Variants in IFIT3 observed in about 807,000 individuals in gnomAD.
The protein encoded by IFIT3 is interferon induced protein with tetratricopeptide repeats 3.
Under a neutral mutation model 2.4 loss-of-function variants are expected in IFIT3, and 2 were observed. The observed-to-expected ratio is 0.82, with a 90% CI of 0.34 to 2.60. The LOEUF (loss-of-function observed/expected upper bound fraction) is 2.60. IFIT3 is among the 30% of genes most tolerant of loss of function. The pLI is 0.11. For synonymous variants in IFIT3, 203 were observed against 212.1 expected (o/e 0.96, Z 0.37); for missense variants, 481 against 562.4 (o/e 0.86, Z 1.46).
intron 1 of IFIT3, among the ~76,000 whole-genome samples, chr10:89,336,748 T>C (rs1285349714): frequency 1.3e-5 from 2 of 150,390 alleles, no homozygotes; most frequent in Admixed American, 1.3e-4. Flanking sequence ...ATTTGGTTCA[T>C]AACTTTTTTT....
At chr10:89,334,215 G>A (rs977458722) in intron 1 of IFIT3, among the ~76,000 whole-genome samples, 1 of 152,172 alleles carries the variant, frequency 6.6e-6, no homozygotes, top group Non-Finnish European at 1.5e-5. Context: ...CAAGACAGGT[G>A]GTCATGATCT....
Position 89,340,315 on chromosome 10 carries a change from T to G in IFIT3, c.*187T>G. ...GGCTCATGCCTGTAATCCCAGCACT[T>G]TGGGAGGCCGAGGTGGGCGGATCAC... is the stretch of plus-strand genomic sequence containing the variant. On this transcript the variant is annotated 3_prime_UTR_variant, in exon 2 of 2. Coordinates refer to ENST00000371818, the MANE Select transcript of IFIT3 (RefSeq NM_001549.6). 1 of 516,394 alleles carries G rather than the reference T, an allele frequency of 1.9e-6. No homozygotes were observed. The allele number at this position is 516,394 out of a possible 1,614,324, so 32.0% of individuals were successfully genotyped here. A position where few individuals can be genotyped will look rare whatever the true frequency, so the allele number is the denominator to read the frequency against.
Position 89,328,004 on chromosome 10 carries a change from G to C in IFIT3, c.-70G>C. 6.3e-7 allele frequency: 1 copy of C among 1,576,054 alleles called. No individual in the cohort carries two copies. The highest frequency in any genetic ancestry group is 1.7e-4 in the Middle Eastern group (1 of 5,980). On this transcript the variant is annotated 5_prime_UTR_variant, in exon 1 of 2. Coordinates refer to ENST00000371818, the MANE Select transcript of IFIT3 (RefSeq NM_001549.6). ...CTTCAGTATTTACTTGAGGCAGACA[G>C]GAAGACTTCTGAAGAACAAATCAGC... is the stretch of plus-strand genomic sequence containing the variant.
Position 89,340,948 on chromosome 10 carries a change from C to G in IFIT3, c.*820C>G, listed in dbSNP as rs1161625995. 6.6e-6 allele frequency: 1 copy of G among 152,150 alleles called. No individual in the cohort carries two copies. The highest frequency in any genetic ancestry group is 2.4e-5 in the African/African-American group (1 of 41,414). The allele number at this position is 152,150 out of a possible 1,614,324, so 9.4% of individuals were successfully genotyped here. A position where few individuals can be genotyped will look rare whatever the true frequency, so the allele number is the denominator to read the frequency against. ...TCCTGATAGTAATGCTACAATAAAT[C>G]CAAACATTTCAACTCTGTTAGAATA... On this transcript the variant is annotated 3_prime_UTR_variant, in exon 2 of 2. Coordinates refer to ENST00000371818, the MANE Select transcript of IFIT3 (RefSeq NM_001549.6).
chr10:89,328,638 T>C (rs1843621923), intron 1 of IFIT3, among the ~76,000 whole-genome samples: 1 of 152,206 alleles, frequency 6.6e-6, no homozygotes, highest in South Asian at 2.1e-4. Context: ...AGGTGGGAAG[T>C]GGAAGAAACA....
intron 1 of IFIT3, among the ~76,000 whole-genome samples, chr10:89,335,813 T>G (rs544148081): frequency 6.6e-6 from 1 of 152,348 alleles, no homozygotes; most frequent in Admixed American, 6.5e-5. Flanking sequence ...TTAACTCATG[T>G]TTCCATGACT....
At chr10:89,335,863 G>T (rs1186190790) in intron 1 of IFIT3, among the ~76,000 whole-genome samples, 25 of 152,130 alleles carry the variant, frequency 1.6e-4, no homozygotes, top group Admixed American at 1.6e-3. Flanking sequence ...AAGCAGAGTT[G>T]TTCAATTATC....
intron 1 of IFIT3, among the ~76,000 whole-genome samples, chr10:89,329,188 A>G (rs1031787749): frequency 1.3e-5 from 2 of 152,052 alleles, no homozygotes; most frequent in Non-Finnish European, 2.9e-5. Context: ...GAAAAGGAAA[A>G]CTGGATTCCC....
chr10:89,338,827 G>A lies in IFIT3; in HGVS notation c.172G>A (p.Ala58Thr). ...EFKATMYNLL[A>T]YIKHLDGNNE... is the part of the protein sequence containing the mutation. Reference sequence around the variant, plus strand: ...CAAAGCTACAATGTACAACTTGTTGGCCTACATAAAACACCTAGATGGTAA... The same window carrying A: ...CAAAGCTACAATGTACAACTTGTTGACCTACATAAAACACCTAGATGGTAA... The change falls in exon 2 of 2, where the codon GCC (alanine) becomes ACC (threonine). Residue 58 changes from alanine (A) to threonine (T), a missense_variant. Ala to Thr is a moderately conservative substitution (Grantham distance 58). Transcript: ENST00000371818. The A allele has an allele frequency of 1.9e-6, 3 of 1,614,078 alleles. No individual in the cohort carries two copies. The highest frequency in any genetic ancestry group is 1.6e-4 in the Middle Eastern group (1 of 6,062).
At position 89,338,823 on chromosome 10, in the gene IFIT3, G is replaced by C; in HGVS notation, c.168G>C (p.Leu56Phe). Residue 56 changes from leucine to phenylalanine, a missense_variant, in exon 2 of 2, where the codon TTG becomes TTC. Coordinates refer to ENST00000371818, the MANE Select transcript of IFIT3 (RefSeq NM_001549.6). Reference protein sequence around the residue: ...NTEFKATMYNLLAYIKHLDGN... With the variant: ...NTEFKATMYNFLAYIKHLDGN... ...AGTTCAAAGCTACAATGTACAACTT[G>C]TTGGCCTACATAAAACACCTAGATG... The C allele has an allele frequency of 1.2e-6, 2 of 1,614,150 alleles. No homozygotes were observed.
chr10:89,336,992 CT>C (rs1290908196), intron 1 of IFIT3, among the ~76,000 whole-genome samples: 2 of 152,210 alleles, frequency 1.3e-5, no homozygotes, highest in African/African-American at 4.8e-5. Flanking sequence ...CCTTTAGTAT[CT>C]TCCAACTACA....
At chr10:89,329,745 C>A (rs1843631712) in intron 1 of IFIT3, among the ~76,000 whole-genome samples, 1 of 152,154 alleles carries the variant, frequency 6.6e-6, no homozygotes, top group African/African-American at 2.4e-5. Flanking sequence ...GGTAACATTT[C>A]TTTGTGATCT....
At chr10:89,328,594 A>C (rs1325688257) in intron 1 of IFIT3, among the ~76,000 whole-genome samples, 1 of 152,230 alleles carries the variant, frequency 6.6e-6, no homozygotes, top group Non-Finnish European at 1.5e-5. Context: ...CTCATGAAGA[A>C]GGCAATTTTG....
At chr10:89,328,294 C>G (rs1359107705) in intron 1 of IFIT3, among the ~76,000 whole-genome samples, 1 of 152,068 alleles carries the variant, frequency 6.6e-6, no homozygotes, top group Non-Finnish European at 1.5e-5. Flanking sequence ...TGGTTCCCTA[C>G]GGAACTACAT....
In IFIT3 at chr10:89,339,974, A is replaced by G; in HGVS notation, c.1319A>G (p.Lys440Arg). 3.7e-6 allele frequency: 6 copies of G among 1,614,250 alleles called. No individual in the cohort carries two copies. Among genetic ancestry groups the G allele is most frequent in the Non-Finnish European group, 5.1e-6 (6 of 1,180,046 alleles). The change falls in exon 2 of 2, where the codon AAG (lysine) becomes AGG (arginine). Residue 440 changes from lysine (K) to arginine (R), a missense_variant. Lys to Arg is a conservative substitution (Grantham distance 26). Coordinates refer to ENST00000371818, the MANE Select transcript of IFIT3 (RefSeq NM_001549.6). ...DLLQAAKCYEKELGRLLRDAP... is the reference protein window; with the variant it reads ...DLLQAAKCYERELGRLLRDAP... ...CTGCAAGCAGCCAAATGTTATGAGA[A>G]GGAACTGGGCCGCCTGCTAAGGGAT...
chr10:89,335,206 C>G (rs948465233), intron 1 of IFIT3: 3 of 152,116 alleles, frequency 2.0e-5, no homozygotes, highest in African/African-American at 7.2e-5. Context: ...GTTTTATAAT[C>G]ATAAAGCCAC....
chr10:89,332,394 C>T, intron 1 of IFIT3: 1 of 1,026,410 alleles, frequency 9.7e-7, no homozygotes, highest in Non-Finnish European at 1.3e-6. Flanking sequence ...CTGTCTGGAA[C>T]ATGTTCCTGG....
At chr10:89,334,427 C>G (rs546030401) in intron 1 of IFIT3, among the ~76,000 whole-genome samples, 2 of 150,674 alleles carry the variant, frequency 1.3e-5, no homozygotes, top group Admixed American at 1.3e-4. Flanking sequence ...TTCTACTCCC[C>G]AAGTTTCACC....
At chr10:89,333,643 T>C (rs1843684861) in intron 1 of IFIT3, among the ~76,000 whole-genome samples, 2 of 152,150 alleles carry the variant, frequency 1.3e-5, no homozygotes. Context: ...CAGACCAGAA[T>C]TGGCAACAAA....
Sources: allele counts gnomAD v4.1 joint callset (sites outside exome capture counted in the v4.1 genomes callset), GRCh38; gene constraint gnomAD v4.1.1; transcripts MANE v1.5; gene names NCBI Gene and HGNC (gene_info 2026-07-23, HGNC 2026-07-21).